Variants in TRHDE observed in about 807,000 individuals in gnomAD.
TRHDE encodes the protein thyrotropin releasing hormone degrading enzyme.
TRHDE carries 72 observed loss-of-function variants against 125.7 expected under a neutral mutation model. The ratio of observed to expected loss-of-function variants is 0.57; its 90% CI spans 0.47 to 0.70. TRHDE has a LOEUF of 0.70. TRHDE is among the 30% of genes least tolerant of loss of function. The probability of loss-of-function intolerance (pLI) is 0.00; values close to 1 mark genes in which losing one functional copy is unlikely to be tolerated. For synonymous variants in TRHDE, 509 were observed against 509.1 expected, an observed-to-expected ratio of 1.00 and a Z score of 0.00; for missense variants, 1,110 against 1,327.1, an observed-to-expected ratio of 0.84 and a Z score of 2.54.
chr12:72,582,185 A>G (rs1871266541), intron 12 of TRHDE: 6 of 913,690 alleles, frequency 6.6e-6, no homozygotes, highest in Non-Finnish European at 7.8e-6. Flanking sequence ...TGATGAATAT[A>G]TAAGTTAAAA....
chr12:72,251,497 C>A (rs1246611615), intron 2 of TRHDE, among the ~76,000 whole-genome samples: 1 of 149,304 alleles, frequency 6.7e-6, no homozygotes, highest in Admixed American at 6.7e-5. Flanking sequence ...ATAGTTCATT[C>A]CTTTTTATTG....
At position 72,490,496 on chromosome 12, in the gene TRHDE, C is replaced by T. The variant is rs76226506; in HGVS notation, c.1585-9002C>T. Among the ~76,000 whole-genome samples, 1,290 of 151,728 alleles carry T rather than the reference C, an allele frequency of 8.5e-3. 9 individuals are homozygous for T. Among genetic ancestry groups the T allele is most frequent in the Non-Finnish European group, 0.015 (1,025 of 67,722 alleles). ...ACATACCCAAAGGAAATGGAATCAC[C>T]GTCTTGTAAAGATATCTATACTTCA... On this transcript the variant is annotated intron_variant, in intron 5 of 18. Transcript: ENST00000261180.
rs114529936 is a variant in TRHDE, at chr12:72,354,925, A to G, written c.1189-23070A>G. On this transcript the variant is annotated intron_variant, in intron 2 of 18. Coordinates refer to ENST00000261180, the MANE Select transcript of TRHDE (RefSeq NM_013381.3). ...AAAACTGTTAATCATGTCAAATGTG[A>G]TAAGTACTATGAGATAGGAATTTGC... Among the ~76,000 whole-genome samples the G allele has an allele frequency of 4.8e-3, 730 of 151,510 alleles. 5 individuals are homozygous for G. Among genetic ancestry groups the G allele is most frequent in the African/African-American group, 0.016 (676 of 41,452 alleles).
chr12:72,598,511 T>C lies in TRHDE; in HGVS notation c.2322-20380T>C, dbSNP rs566425339. On this transcript the variant is annotated intron_variant, in intron 12 of 18. Coordinates refer to ENST00000261180, the MANE Select transcript of TRHDE (RefSeq NM_013381.3). ...TCTTCAAGTGAGGCATAGATCTCTATATCAAGTCTGGAAACCTATGCGTTA... is the reference window on the plus strand; with the variant it reads ...TCTTCAAGTGAGGCATAGATCTCTACATCAAGTCTGGAAACCTATGCGTTA... 2.0e-5 allele frequency among the ~76,000 whole-genome samples: 3 copies of C among 152,318 alleles called. No individual in the cohort carries two copies. In the South Asian group the frequency reaches 6.2e-4, roughly 32 times the overall value.
rs775557068 is a variant in TRHDE at position 72,670,100 on chromosome 12, A to G, written c.*6905A>G. 2.6e-5 allele frequency: 4 copies of G among 151,812 alleles called. No individual in the cohort carries two copies. Among genetic ancestry groups the G allele is most frequent in the Non-Finnish European group, 4.4e-5 (3 of 67,834 alleles). 9.4% of individuals were successfully genotyped at this position (151,812 alleles called of 1,614,324 possible). ...CTAAATTTATTCAGTAATAAAGTTT[A>G]CTTTCCTAAATCCATTCCCCAAGTG... On this transcript the variant is annotated 3_prime_UTR_variant, in exon 19 of 19. Transcript: ENST00000261180.
intron 2 of TRHDE, among the ~76,000 whole-genome samples, chr12:72,335,229 C>A (rs1869777912): frequency 6.6e-6 from 1 of 152,068 alleles, no homozygotes; most frequent in Non-Finnish European, 1.5e-5. Context: ...CCTTTATGTG[C>A]TCTTGGGGGT....
At chr12:72,468,274 C>T (rs933276380) in intron 3 of TRHDE, among the ~76,000 whole-genome samples, 1 of 152,170 alleles carries the variant, frequency 6.6e-6, no homozygotes, top group Non-Finnish European at 1.5e-5. Context: ...ATTTCCTCGA[C>T]ATTGTCTTTC....
At chr12:72,180,133 C>A (rs1235644247) in intron 2 of TRHDE, among the ~76,000 whole-genome samples, 1 of 151,774 alleles carries the variant, frequency 6.6e-6, no homozygotes, top group Non-Finnish European at 1.5e-5. Flanking sequence ...CTTTTATTAT[C>A]TCAGCCTATG....
chr12:72,344,653 T>C (rs571367567), intron 2 of TRHDE, among the ~76,000 whole-genome samples: 1 of 152,252 alleles, frequency 6.6e-6, no homozygotes, highest in Non-Finnish European at 1.5e-5. Context: ...TCTGGTGTGC[T>C]GTTGGTGTGC....
At chr12:72,500,477 C>A (rs1043051727) in intron 6 of TRHDE, among the ~76,000 whole-genome samples, 1 of 152,082 alleles carries the variant, frequency 6.6e-6, no homozygotes, top group African/African-American at 2.4e-5. Context: ...CTGCAACCTT[C>A]ACCTCCCGGG....
chr12:72,091,374 G>T (rs1179970667), intron 1 of TRHDE, among the ~76,000 whole-genome samples: 1 of 152,094 alleles, frequency 6.6e-6, no homozygotes, highest in South Asian at 2.1e-4. Context: ...ATGGGTTCTA[G>T]TTAAAATCCT....
At chr12:72,279,818 C>T (rs1376482195) in intron 1 of TRHDE, among the ~76,000 whole-genome samples, 2 of 152,192 alleles carry the variant, frequency 1.3e-5, no homozygotes, top group East Asian at 3.9e-4. Context: ...TGTACAGGGA[C>T]AGGGTGAATT....
chr12:72,402,915 A>T (rs1390802799), intron 3 of TRHDE, among the ~76,000 whole-genome samples: 1 of 152,148 alleles, frequency 6.6e-6, no homozygotes, highest in Non-Finnish European at 1.5e-5. Flanking sequence ...GACCAGCTCT[A>T]AGCTGATGAC....
intron 6 of TRHDE, among the ~76,000 whole-genome samples, chr12:72,519,996 G>A (rs1012448219): frequency 1.4e-4 from 22 of 152,210 alleles, no homozygotes; most frequent in Non-Finnish European, 2.2e-4. Context: ...CAGTCTGCCC[G>A]TTCTCAGATG....
chr12:72,605,935 G>A (rs1405370669), intron 12 of TRHDE, among the ~76,000 whole-genome samples: 1 of 151,838 alleles, frequency 6.6e-6, no homozygotes, highest in African/African-American at 2.4e-5. Flanking sequence ...TTTTTTCCTT[G>A]GATACAATAG....
upstream of TRHDE, among the ~76,000 whole-genome samples, chr12:72,270,640 T>TTTCC (rs1879174941): frequency 6.6e-6 from 1 of 151,818 alleles, no homozygotes; most frequent in Non-Finnish European, 1.5e-5. Context: ...AATTACCTAA[T>TTTCC]TTTCTATTAT....
chr12:72,175,674 C>G lies in TRHDE; in HGVS notation n.279+69922C>G, dbSNP rs553046861. Among the ~76,000 whole-genome samples, 72 of 152,312 alleles carry G rather than the reference C, an allele frequency of 4.7e-4. 1 individual carries two copies. The highest frequency in any genetic ancestry group is 1.7e-3 in the African/African-American group (69 of 41,572). On this transcript the variant is annotated intron_variant and non_coding_transcript_variant, in intron 2 of 4. Coordinates refer to the TRHDE transcript ENST00000548156. ...TTACTTGTTATGAAAATAATTGTAA[C>G]TCTTTACCTAATGGACCACCTATAC...
chr12:72,421,421 G>A (rs977535029), intron 3 of TRHDE, among the ~76,000 whole-genome samples: 3 of 152,170 alleles, frequency 2.0e-5, no homozygotes, highest in Non-Finnish European at 4.4e-5. Flanking sequence ...TCTCCATGCG[G>A]TTTGACTTTC....
chr12:72,563,594 CTTTA>C (rs1592538567), intron 9 of TRHDE, among the ~76,000 whole-genome samples: 1 of 152,104 alleles, frequency 6.6e-6, no homozygotes, highest in African/African-American at 2.4e-5. Context: ...TACACAGAAT[CTTTA>C]TTTGTTGTTT....
Sources: allele counts gnomAD v4.1 joint callset (sites outside exome capture counted in the v4.1 genomes callset), GRCh38; gene constraint gnomAD v4.1.1; transcripts MANE v1.5; gene names NCBI Gene and HGNC (gene_info 2026-07-23, HGNC 2026-07-21).